The following DLGAP3 variants were observed in gnomAD, a reference collection of about 807,000 sequenced individuals.
The protein encoded by DLGAP3 is DLG associated protein 3.
In DLGAP3, 17 loss-of-function variants were observed where a neutral mutation model predicts 81.2. The ratio of observed to expected loss-of-function variants is 0.21; its 90% CI spans 0.14 to 0.31. The LOEUF is 0.31. Ranked by LOEUF, DLGAP3 falls within the 10% of genes least tolerant of loss-of-function variation. The pLI, the probability that DLGAP3 is intolerant of heterozygous loss-of-function variation, is 1.00. For missense variants in DLGAP3, 1,124 were observed against 1,388.0 expected, an observed-to-expected ratio of 0.81 and a Z score of 3.02; for synonymous variants, 577 against 587.4, an observed-to-expected ratio of 0.98 and a Z score of 0.26.
At chr1:34,925,833 C>A (rs998250289) in intron 1 of DLGAP3, among the ~76,000 whole-genome samples, 8 of 152,156 alleles carry the variant, frequency 5.3e-5, no homozygotes, top group Non-Finnish European at 1.2e-4. Flanking sequence ...GAAGAAGGAA[C>A]CCTGGGACCA....
chr1:34,913,471 A>G (rs139039986), intron 1 of DLGAP3, among the ~76,000 whole-genome samples: 2 of 152,202 alleles, frequency 1.3e-5, no homozygotes, highest in African/African-American at 4.8e-5. Flanking sequence ...AGAGAGGCCT[A>G]CCTGATCACT....
At position 34,873,178 on chromosome 1, in the gene DLGAP3, T is replaced by C. The variant is rs1234910901; in HGVS notation, c.2001-4089A>G. ...AAAACCGAGGCTTAGTGGGGTTGAC[T>C]CCTAAGATGAAGGCAGGGCTGGTGG... On this transcript the variant is annotated intron_variant, in intron 8 of 11. Transcript: ENST00000373347. The surrounding 1 kb of genome is among the most constrained non-coding windows in gnomAD (Gnocchi z 4.2). Among the ~76,000 whole-genome samples, 1 of 152,178 alleles carries C rather than the reference T, an allele frequency of 6.6e-6. No homozygotes were observed. Among genetic ancestry groups the C allele is most frequent in the Non-Finnish European group, 1.5e-5 (1 of 68,030 alleles).
chr1:34,900,368 T>C lies in DLGAP3; in HGVS notation c.1108-95A>G, dbSNP rs1473518156. ...ACTGCCAGTGGGAGATGCCCTGCCC[T>C]GGCTTGAACAGGCACACTCAGGTAC... is the stretch of plus-strand genomic sequence containing the variant. On this transcript the variant is annotated intron_variant, in intron 3 of 11. Coordinates refer to ENST00000373347, the MANE Select transcript of DLGAP3 (RefSeq NM_001080418.3). This position sits in a 1 kb window ranked among gnomAD's most constrained non-coding sequence, Gnocchi z 5.6. The C allele has an allele frequency of 1.2e-5, 16 of 1,341,262 alleles. No homozygotes were observed. Among genetic ancestry groups the C allele is most frequent in the Non-Finnish European group, 1.6e-5 (15 of 943,500 alleles). The allele number at this position is 1,341,262 out of a possible 1,614,324, so 83.1% of individuals were successfully genotyped here. A position where few individuals can be genotyped will look rare whatever the true frequency, so the allele number is the denominator to read the frequency against.
In DLGAP3 at chr1:34,904,669, C is replaced by G. The variant is rs377200647; in HGVS notation, c.715G>C (p.Gly239Arg). 3 of 1,614,126 alleles carry G rather than the reference C, an allele frequency of 1.9e-6. No individual in the cohort carries two copies. Among genetic ancestry groups the G allele is most frequent in the Non-Finnish European group, 2.5e-6 (3 of 1,180,038 alleles). Residue 239 changes from glycine (G) to arginine (R), a missense_variant, in exon 3 of 12, where the codon GGC becomes CGC. Physicochemically the swap from Gly to Arg is moderately radical, Grantham distance 125 (BLOSUM62 -2). Around this residue, in one of 9 missense-constraint regions of DLGAP3, gnomAD observed 357 missense variants for 408.8 expected, o/e 0.87. Transcript: ENST00000373347. This position sits in a 1 kb window ranked among gnomAD's most constrained non-coding sequence, Gnocchi z 8.1. ...HHHHHHQSRH[G>R]KRSKSKDRKG... ...CGGTCCTTGCTCTTGCTCCTCTTGC[C>G]GTGCCGGGACTGGTGGTGGTGGTGA...
chr1:34,916,223 C>T (rs557434356), intron 1 of DLGAP3, among the ~76,000 whole-genome samples: 5 of 152,268 alleles, frequency 3.3e-5, no homozygotes, highest in African/African-American at 7.2e-5. Flanking sequence ...CAGATAGAAC[C>T]GCTACAGCAT....
At chr1:34,915,792 G>A (rs1639708684) in intron 1 of DLGAP3, among the ~76,000 whole-genome samples, 1 of 152,188 alleles carries the variant, frequency 6.6e-6, no homozygotes, top group Admixed American at 6.5e-5. Context: ...AGACAGCCAG[G>A]AGCTAAGGGA....
Position 34,904,930 on chromosome 1 carries a change from G to A in DLGAP3, c.454C>T (p.Pro152Ser). Residue 152 changes from proline (P) to serine (S), a missense_variant, in exon 3 of 12, where the codon CCA becomes TCA. Physicochemically the swap from Pro to Ser is moderately conservative, Grantham distance 74. Around this residue, in one of 9 missense-constraint regions of DLGAP3, gnomAD observed 65 missense variants for 78.2 expected, o/e 0.83. Coordinates refer to ENST00000373347, the MANE Select transcript of DLGAP3 (RefSeq NM_001080418.3). This position sits in a 1 kb window ranked among gnomAD's most constrained non-coding sequence, Gnocchi z 8.1. Reference sequence around the variant, plus strand: ...GGGGCAGTGCCCGTCCCTGGCGCTGGCCCGGGCCCTGCCCCTGCTGGCCCT... The same window carrying A: ...GGGGCAGTGCCCGTCCCTGGCGCTGACCCGGGCCCTGCCCCTGCTGGCCCT... Reference protein sequence around the residue: ...QRGPAGAGPGPAPGTGTAPEP... With the variant: ...QRGPAGAGPGSAPGTGTAPEP... The A allele has an allele frequency of 6.2e-7, 1 of 1,612,366 alleles. No homozygotes were observed. The highest frequency in any genetic ancestry group is 8.5e-7 in the Non-Finnish European group (1 of 1,179,836).
At chr1:34,894,103 G>C (rs1447010725) in intron 5 of DLGAP3, among the ~76,000 whole-genome samples, 1 of 152,112 alleles carries the variant, frequency 6.6e-6, no homozygotes, top group East Asian at 1.9e-4. Context: ...TGGGAGGATT[G>C]ATTGAGCCTG....
intron 6 of DLGAP3, 125 bp downstream of exon 6, chr1:34,885,947 C>G (rs1639219829): frequency 8.4e-7 from 1 of 1,194,550 alleles, no homozygotes; most frequent in South Asian, 1.5e-5. Context: ...GACGCTCTCC[C>G]CGTCATCCGA....
rs115619543 is a variant in DLGAP3 at position 34,900,011 on chromosome 1, G to A, written c.1313+57C>T. 32,067 of 1,461,558 alleles carry A rather than the reference G, an allele frequency of 0.022. 592 individuals carry two copies. The highest frequency in any genetic ancestry group is 0.024 in the Non-Finnish European group (25,729 of 1,057,002). The allele number at this position is 1,461,558 out of a possible 1,614,324, so 90.5% of individuals were successfully genotyped here. ...GGCACCCACTCTACACACATCTCCC[G>A]CAGGAGTCCAGCATCAGCCTCCTGA... On this transcript the variant is annotated intron_variant, in intron 4 of 11. Coordinates refer to ENST00000373347, the MANE Select transcript of DLGAP3 (RefSeq NM_001080418.3). The surrounding 1 kb of genome is among the most constrained non-coding windows in gnomAD (Gnocchi z 5.6).
Position 34,866,080 on chromosome 1 carries a change from C to A in DLGAP3, c.*3G>T, listed in dbSNP as rs760936916. On this transcript the variant is annotated 3_prime_UTR_variant, in exon 12 of 12. Coordinates refer to ENST00000373347, the MANE Select transcript of DLGAP3 (RefSeq NM_001080418.3). The stretch of plus-strand genomic sequence containing the variant: ...CCGGGCCGGGCTGGGCGGGCCGGAC[C>A]GGTCACAGCCTGGTCTGGGCCTCGG... 1.1e-5 allele frequency: 17 copies of A among 1,594,600 alleles called. No individual in the cohort carries two copies. The Middle Eastern group carries it at 5.1e-4, about 48-fold the overall frequency.
Position 34,867,045 on chromosome 1 carries a change from C to A in DLGAP3, c.2721+3G>T, listed in dbSNP as rs750323814. On this transcript the variant is annotated splice_donor_region_variant and intron_variant, in intron 11 of 11. Transcript: ENST00000373347. The surrounding 1 kb of genome is among the most constrained non-coding windows in gnomAD (Gnocchi z 4.3). The stretch of plus-strand genomic sequence containing the variant: ...TCTTTGCCTGAAGGCACCCCAGCCC[C>A]ACCTTAGGCTCCAGGAGTTTCCAGC... 1.9e-6 allele frequency: 3 copies of A among 1,613,968 alleles called. No homozygotes were observed. The East Asian group carries it at 6.7e-5, about 36-fold the overall frequency.
rs778953197 is a variant in DLGAP3, at chr1:34,867,306, G to C, written c.2578-115C>G. ...CCAGGAAGCTCAGCCTGGGAGAGTG[G>C]GTGGGGGCTGGGAGACAGGGGGACA... is the stretch of plus-strand genomic sequence containing the variant. On this transcript the variant is annotated intron_variant, in intron 10 of 11. Transcript: ENST00000373347. The surrounding 1 kb of genome is among the most constrained non-coding windows in gnomAD (Gnocchi z 4.3). The C allele has an allele frequency of 8.5e-5, 126 of 1,482,108 alleles. No homozygotes were observed. The highest frequency in any genetic ancestry group is 1.7e-4 in the Middle Eastern group (1 of 5,784). The allele number at this position is 1,482,108 out of a possible 1,614,324, so 91.8% of individuals were successfully genotyped here.
rs757326750 is a variant in DLGAP3 at position 34,867,042 on chromosome 1, C to A, written c.2721+6G>T. 1.2e-6 allele frequency: 2 copies of A among 1,614,032 alleles called. No individual in the cohort carries two copies. Among genetic ancestry groups the A allele is most frequent in the Admixed American group, 3.3e-5 (2 of 60,024 alleles). On this transcript the variant is annotated splice_donor_region_variant and intron_variant, in intron 11 of 11. Transcript: ENST00000373347. The surrounding 1 kb of genome is among the most constrained non-coding windows in gnomAD (Gnocchi z 4.3). ...GCCTCTTTGCCTGAAGGCACCCCAG[C>A]CCCACCTTAGGCTCCAGGAGTTTCC... is the stretch of plus-strand genomic sequence containing the variant.
intron 11 of DLGAP3, 53 bp from the exon 12 acceptor site, chr1:34,866,354 A>T (rs1287216500): frequency 7.2e-7 from 1 of 1,395,596 alleles, no homozygotes; most frequent in African/African-American, 1.5e-5. Flanking sequence ...CCCAACACCC[A>T]GGTGTCCGCC....
intron 8 of DLGAP3, among the ~76,000 whole-genome samples, chr1:34,881,526 C>G (rs1639144771): frequency 6.6e-6 from 1 of 152,100 alleles, no homozygotes; most frequent in Non-Finnish European, 1.5e-5. Context: ...AACTTAAGGT[C>G]CCTAGACATG....
Position 34,904,842 on chromosome 1 carries a change from A to G in DLGAP3, c.542T>C (p.Phe181Ser). The G allele has an allele frequency of 6.2e-7, 1 of 1,610,120 alleles. No individual in the cohort carries two copies. The highest frequency in any genetic ancestry group is 8.5e-7 in the Non-Finnish European group (1 of 1,180,004). The change falls in exon 3 of 12, where the codon TTT becomes TCT. Residue 181 changes from phenylalanine to serine, a missense_variant. Coordinates refer to ENST00000373347, the MANE Select transcript of DLGAP3 (RefSeq NM_001080418.3). The surrounding 1 kb of genome is among the most constrained non-coding windows in gnomAD (Gnocchi z 8.1). ...CGCCTCCAGAGAGTGGGACTTGGCA[A>G]AGAGCTTCTGCACAGAATGAACCAG... ...RHLVHSVQKL[F>S]AKSHSLEAPG...
intron 8 of DLGAP3, among the ~76,000 whole-genome samples, chr1:34,869,377 G>A (rs1005277731): frequency 6.6e-6 from 1 of 152,108 alleles, no homozygotes; most frequent in South Asian, 2.1e-4. Context: ...AGACCAAAAT[G>A]CTGCAGCAGT....
Position 34,917,645 on chromosome 1 carries a change from A to T in DLGAP3, c.-134-10208T>A, listed in dbSNP as rs184724620. On this transcript the variant is annotated intron_variant, in intron 1 of 11. Coordinates refer to ENST00000373347, the MANE Select transcript of DLGAP3 (RefSeq NM_001080418.3). Reference sequence around the variant, plus strand: ...TAGGCTTGAGCCACCGTGGCTATCCATCCAATAGACTTTGATGTTTGTGTG... The same window carrying T: ...TAGGCTTGAGCCACCGTGGCTATCCTTCCAATAGACTTTGATGTTTGTGTG... 2.4e-3 allele frequency among the ~76,000 whole-genome samples: 366 copies of T among 152,246 alleles called. 4 individuals carry two copies. The highest frequency in any genetic ancestry group is 7.8e-3 in the African/African-American group (323 of 41,548).
Sources: allele counts gnomAD v4.1 joint callset (sites outside exome capture counted in the v4.1 genomes callset), GRCh38; gene constraint gnomAD v4.1.1; regional missense constraint gnomAD v4.1.1; non-coding constraint Gnocchi (gnomAD v3.1); transcripts MANE v1.5; gene names NCBI Gene and HGNC (gene_info 2026-07-23, HGNC 2026-07-21).